RERE: variants seen among roughly 807,000 people sequenced by gnomAD.
RERE encodes the protein arginine-glutamic acid dipeptide repeats protein.
Under a neutral mutation model 146.1 loss-of-function variants are expected in RERE, and 40 were observed. That is an observed-to-expected ratio of 0.27 (90% CI 0.21 to 0.36). The LOEUF is 0.36. RERE is among the 10% of genes least tolerant of loss of function. The pLI is 1.00. For synonymous variants in RERE, 1,003 were observed against 866.0 expected (o/e 1.16, Z -2.78); for missense variants, 1,933 against 2,138.7 (o/e 0.90, Z 1.90).
intron 12 of RERE, among the ~76,000 whole-genome samples, chr1:8,416,598 A>AAAAAAGAAAAG (rs1419532157): frequency 1.4e-5 from 2 of 147,760 alleles, no homozygotes; most frequent in East Asian, 3.9e-4. Context: ...AAAAAAAAAA[A>AAAAAAGAAAAG]AAAAGAAAAG....
At chr1:8,396,268 A>T (rs1306743675) in intron 12 of RERE, among the ~76,000 whole-genome samples, 1 of 152,208 alleles carries the variant, frequency 6.6e-6, no homozygotes, top group East Asian at 1.9e-4. Flanking sequence ...GCTGAATTCA[A>T]TGTGGAGTTT....
At chr1:8,537,366 AGT>A (rs1645738908) in intron 7 of RERE, among the ~76,000 whole-genome samples, 1 of 152,198 alleles carries the variant, frequency 6.6e-6, no homozygotes, top group Non-Finnish European at 1.5e-5. Flanking sequence ...ACACCCCAGC[AGT>A]GTTCATGTAA....
chr1:8,585,145 T>C (rs1203577522), intron 4 of RERE, among the ~76,000 whole-genome samples: 1 of 39,902 alleles, frequency 2.5e-5, no homozygotes. Flanking sequence ...AGACTCCATC[T>C]CAAAAAAAAA....
At chr1:8,516,050 C>T (rs1645409900) in intron 7 of RERE, among the ~76,000 whole-genome samples, 1 of 151,436 alleles carries the variant, frequency 6.6e-6, no homozygotes, top group African/African-American at 2.4e-5. Context: ...AGCCCCACCC[C>T]TAAAAATACA....
intron 4 of RERE, among the ~76,000 whole-genome samples, chr1:8,607,322 T>C (rs1019567370): frequency 6.8e-6 from 1 of 147,964 alleles, no homozygotes; most frequent in Non-Finnish European, 1.5e-5. Context: ...ATCAGGCCAC[T>C]GCACTCCAGC....
chr1:8,781,944 T>C (rs1007930823), intron 1 of RERE, among the ~76,000 whole-genome samples: 1 of 152,150 alleles, frequency 6.6e-6, no homozygotes, highest in African/African-American at 2.4e-5. Flanking sequence ...GGGGGACCCA[T>C]TAATCCCCTG....
chr1:8,474,469 T>C (rs6577488), intron 10 of RERE, among the ~76,000 whole-genome samples: 89,209 of 152,092 alleles, frequency 0.59, 26,768 homozygotes, highest in East Asian at 0.83. Context: ...ATTAAACATC[T>C]CTGGATCTCA....
intron 8 of RERE, among the ~76,000 whole-genome samples, chr1:8,501,554 T>C (rs61783623): frequency 8.2e-3 from 323 of 39,236 alleles, no homozygotes; most frequent in Admixed American, 0.012. Context: ...CTCTGCCCGG[T>C]CGCCCCTACC....
chr1:8,760,239 C>G (rs1346304135), intron 1 of RERE, among the ~76,000 whole-genome samples: 1 of 152,194 alleles, frequency 6.6e-6, no homozygotes, highest in Non-Finnish European at 1.5e-5. Flanking sequence ...GTTGGCCAGA[C>G]TGGTCTTGAA....
chr1:8,410,289 C>T (rs1033604769), intron 12 of RERE, among the ~76,000 whole-genome samples: 3 of 152,066 alleles, frequency 2.0e-5, no homozygotes, highest in Non-Finnish European at 4.4e-5. Flanking sequence ...TACAAAGGGC[C>T]GAATGATAAA....
chr1:8,422,585 T>C, intron 12 of RERE, 142 bp downstream of exon 12: 1 of 606,488 alleles, frequency 1.6e-6, no homozygotes, highest in South Asian at 2.0e-5. Context: ...GTCAAGGGAG[T>C]AAAACGGAGA....
intron 11 of RERE, among the ~76,000 whole-genome samples, chr1:8,435,280 A>T (rs1387931867): frequency 6.6e-6 from 1 of 152,214 alleles, no homozygotes; most frequent in Non-Finnish European, 1.5e-5. Context: ...TGAATATATG[A>T]GGAAAGGGCC....
At chr1:8,466,471 C>T (rs11810731) in intron 10 of RERE, among the ~76,000 whole-genome samples, 4,290 of 152,140 alleles carry the variant, frequency 0.028, 175 homozygotes, top group African/African-American at 0.097. Flanking sequence ...AAGATGTTCA[C>T]CACACTGAGC....
At chr1:8,560,710 G>A (rs529877684) in intron 4 of RERE, among the ~76,000 whole-genome samples, 1 of 152,316 alleles carries the variant, frequency 6.6e-6, no homozygotes, top group African/African-American at 2.4e-5. Context: ...CTATTGGTAG[G>A]TGATTGTAAC....
At chr1:8,797,814 A>G (rs1569819678) in intron 1 of RERE, among the ~76,000 whole-genome samples, 1 of 152,366 alleles carries the variant, frequency 6.6e-6, no homozygotes, top group South Asian at 2.1e-4. Context: ...TAGTAAGAGA[A>G]GCCTCTAACT....
intron 2 of RERE, among the ~76,000 whole-genome samples, chr1:8,628,354 A>G (rs777041544): frequency 3.3e-5 from 5 of 152,226 alleles, no homozygotes; most frequent in Non-Finnish European, 7.3e-5. Context: ...TGGAGTAATA[A>G]GAACTAAAAA....
chr1:8,477,787 T>G (rs955915652), intron 10 of RERE, among the ~76,000 whole-genome samples: 21 of 152,216 alleles, frequency 1.4e-4, no homozygotes, highest in African/African-American at 4.3e-4. Context: ...CTCAGTGCTT[T>G]GTGATGAGTG....
At chr1:8,499,350 G>A (rs1289841177) in intron 8 of RERE, among the ~76,000 whole-genome samples, 1 of 152,174 alleles carries the variant, frequency 6.6e-6, no homozygotes, top group African/African-American at 2.4e-5. Flanking sequence ...ATCCCAATCT[G>A]GACTAGCCAT....
intron 7 of RERE, among the ~76,000 whole-genome samples, chr1:8,520,540 C>T (rs1230974444): frequency 6.6e-6 from 1 of 152,020 alleles, no homozygotes; most frequent in East Asian, 1.9e-4. Context: ...TTTCAAAGTG[C>T]TATAGTGACT....
Sources: gnomAD v4.1 joint callset for allele counts (sites outside exome capture counted in the v4.1 genomes callset) on GRCh38, gnomAD v4.1.1 for gene constraint, MANE v1.5 for transcripts, NCBI Gene and HGNC (gene_info 2026-07-23, HGNC 2026-07-21) for gene names.